Variants in PCDH7 observed in about 807,000 individuals in gnomAD.
The protein encoded by PCDH7 is protocadherin-7.
A neutral mutation model predicts 58.9 loss-of-function variants in PCDH7; 17 were observed. The observed-to-expected ratio is 0.29, with a 90% CI of 0.20 to 0.43. The LOEUF is 0.43. PCDH7 is among the 20% of genes least tolerant of loss of function. The pLI, the probability that PCDH7 is intolerant of heterozygous loss-of-function variation, is 1.00. For missense variants in PCDH7, 1,274 were observed against 1,441.0 expected, an observed-to-expected ratio of 0.88 and a Z score of 1.88; for synonymous variants, 664 against 616.4, an observed-to-expected ratio of 1.08 and a Z score of -1.14.
At chr4:30,752,498 G>T (rs1044613630) in intron 1 of PCDH7, among the ~76,000 whole-genome samples, 1 of 152,082 alleles carries the variant, frequency 6.6e-6, no homozygotes, top group Non-Finnish European at 1.5e-5. Flanking sequence ...AAACTTGAAA[G>T]AATTTCATTA....
chr4:30,804,534 T>TAA (rs200449475), intron 1 of PCDH7, among the ~76,000 whole-genome samples: 28 of 125,834 alleles, frequency 2.2e-4, no homozygotes, highest in African/African-American at 6.3e-4. Flanking sequence ...CAAGACTATC[T>TAA]AAAAAAAAAA....
chr4:30,959,761 T>C (rs1033880123), intron 3 of PCDH7, among the ~76,000 whole-genome samples: 14 of 152,152 alleles, frequency 9.2e-5, no homozygotes, highest in African/African-American at 3.4e-4. Flanking sequence ...CCTTTTATCT[T>C]AGTTTACAGT....
intron 1 of PCDH7, among the ~76,000 whole-genome samples, chr4:30,781,837 C>T (rs567180588): frequency 1.3e-5 from 2 of 152,042 alleles, no homozygotes; most frequent in Admixed American, 6.6e-5. Flanking sequence ...CGCCTGGCCT[C>T]TATCTCCTTT....
intron 1 of PCDH7, among the ~76,000 whole-genome samples, chr4:30,873,422 G>A (rs1456574140): frequency 7.2e-6 from 1 of 139,166 alleles, no homozygotes; most frequent in Non-Finnish European, 1.6e-5. Context: ...ATATGGCAGA[G>A]AAAAACCTCT....
rs1212045738 is a variant in PCDH7 at position 30,727,428 on chromosome 4, T to C, written c.3174+2832T>C. Among the ~76,000 whole-genome samples the C allele has an allele frequency of 2.0e-5, 3 of 151,976 alleles. No homozygotes were observed. In the East Asian group the frequency reaches 5.8e-4, roughly 29 times the overall value. On this transcript the variant is annotated intron_variant, in intron 1 of 1. Transcript: ENST00000361762. ...TTGAGAGCCATTCAAATCAAGCTTC[T>C]ATGGCAGACTCTAGGAAATGTGTGT...
chr4:30,971,410 A>G (rs1560543922), intron 3 of PCDH7, among the ~76,000 whole-genome samples: 2 of 152,204 alleles, frequency 1.3e-5, no homozygotes, highest in East Asian at 3.9e-4. Flanking sequence ...TAAGTTTAGG[A>G]AGGATTATTT....
chr4:30,804,365 CCA>C (rs1222609772), intron 1 of PCDH7, among the ~76,000 whole-genome samples: 1 of 151,874 alleles, frequency 6.6e-6, no homozygotes, highest in Non-Finnish European at 1.5e-5. Context: ...ATGGTGAAAC[CCA>C]GTCTCTAGTA....
intron 2 of PCDH7, among the ~76,000 whole-genome samples, chr4:30,943,985 G>C (rs1049335571): frequency 6.6e-5 from 10 of 152,024 alleles, no homozygotes; most frequent in African/African-American, 2.4e-4. Context: ...CTCCAGTGTG[G>C]CCTCCGTGAG....
rs781122880 is a variant in PCDH7 at position 30,723,966 on chromosome 4, G to A, written c.2544G>A (p.Ala848=). ...ATGAAAGTGTTTCTAATGCAACTGC[G>A]ATTGACTCCCAGATAGCTAGAAGTT... Residue 848 remains alanine, a synonymous_variant, in exon 1 of 2, where the codon GCG becomes GCA. Transcript: ENST00000361762. The surrounding 1 kb of genome is among the most constrained non-coding windows in gnomAD (Gnocchi z 4.6). 12 of 1,613,992 alleles carry A rather than the reference G, an allele frequency of 7.4e-6. No homozygotes were observed. Among genetic ancestry groups the A allele is most frequent in the Middle Eastern group, 1.6e-4 (1 of 6,084 alleles).
At chr4:30,915,642 A>C (rs1578274345) in intron 1 of PCDH7, among the ~76,000 whole-genome samples, 1 of 150,160 alleles carries the variant, frequency 6.7e-6, no homozygotes, top group Middle Eastern at 3.4e-3. Context: ...TCCTGCCTCA[A>C]CCTCCCAAGT....
chr4:31,126,334 C>A (rs933902718), intron 3 of PCDH7, among the ~76,000 whole-genome samples: 6 of 151,450 alleles, frequency 4.0e-5, no homozygotes, highest in Non-Finnish European at 7.4e-5. Context: ...TTTTTATTTT[C>A]TTTTTAGTAG....
chr4:30,970,039 T>A (rs1749417023), intron 3 of PCDH7, among the ~76,000 whole-genome samples: 1 of 152,228 alleles, frequency 6.6e-6, no homozygotes, highest in African/African-American at 2.4e-5. Flanking sequence ...GGCTTAGAGT[T>A]ACTCATTTTG....
intron 3 of PCDH7, among the ~76,000 whole-genome samples, chr4:31,105,882 C>T (rs1459871311): frequency 6.6e-6 from 1 of 151,860 alleles, no homozygotes; most frequent in Admixed American, 6.6e-5. Context: ...TGGCGGGCGC[C>T]TGTAGTCCCA....
At position 30,785,781 on chromosome 4, in the gene PCDH7, AT is replaced by A. The variant is rs1449379708; in HGVS notation, c.70+61188del. On this transcript the variant is annotated intron_variant, in intron 1 of 3. Transcript: ENST00000509759. ...TGTTACATTGGAAATTAAGTGGAAT[AT>A]TTCTCTTCTCTGATCCTAATTCTTA... is the stretch of plus-strand genomic sequence containing the variant. Among the ~76,000 whole-genome samples the A allele has an allele frequency of 3.3e-5, 5 of 152,124 alleles. No individual in the cohort carries two copies. The East Asian group carries it at 9.7e-4, about 29-fold the overall frequency.
intron 1 of PCDH7, among the ~76,000 whole-genome samples, chr4:30,913,002 G>A (rs1446467121): frequency 2.6e-5 from 4 of 151,088 alleles, no homozygotes; most frequent in Admixed American, 6.6e-5. Context: ...TAAAAATAAA[G>A]TTTTTAATAT....
chr4:31,082,350 G>A (rs28590613), intron 3 of PCDH7, among the ~76,000 whole-genome samples: 1 of 152,020 alleles, frequency 6.6e-6, no homozygotes, highest in Non-Finnish European at 1.5e-5. Flanking sequence ...CATATAAAAG[G>A]TCTGTAGATT....
At chr4:30,916,593 A>G (rs1226374837) in intron 1 of PCDH7, among the ~76,000 whole-genome samples, 1 of 152,188 alleles carries the variant, frequency 6.6e-6, no homozygotes, top group Non-Finnish European at 1.5e-5. Flanking sequence ...ACAAGACACA[A>G]AATCGTTTAT....
downstream of PCDH7, chr4:31,143,029 C>G (rs988383723): frequency 2.8e-6 from 1 of 355,640 alleles, no homozygotes; most frequent in African/African-American, 2.2e-5. Context: ...TTCTACTGTA[C>G]AATGTAGAAA....
chr4:30,916,646 C>T (rs889096232), intron 1 of PCDH7, among the ~76,000 whole-genome samples: 1 of 152,194 alleles, frequency 6.6e-6, no homozygotes, highest in African/African-American at 2.4e-5. Context: ...CTGCAATTTA[C>T]TAAATGTCTT....
Sources: gnomAD v4.1 joint callset for allele counts (sites outside exome capture counted in the v4.1 genomes callset) on GRCh38, gnomAD v4.1.1 for gene constraint, Gnocchi (gnomAD v3.1) non-coding constraint, MANE v1.5 for transcripts, NCBI Gene and HGNC (gene_info 2026-07-23, HGNC 2026-07-21) for gene names.